Variants in UBR1 observed in about 807,000 individuals in gnomAD.
The protein encoded by UBR1 is E3 ubiquitin-protein ligase UBR1.
A neutral mutation model predicts 242.1 loss-of-function variants in UBR1; 102 were observed. The ratio of observed to expected loss-of-function variants is 0.42; its 90% CI spans 0.36 to 0.50. The LOEUF (loss-of-function observed/expected upper bound fraction) is 0.50, where lower values mean the gene tolerates loss of function less well. Among genes scored for constraint, UBR1 ranks in the 20% least tolerant of loss-of-function variants. The pLI is 0.01. For missense variants in UBR1, 1,772 were observed against 2,101.8 expected (o/e 0.84, Z 3.07); for synonymous variants, 675 against 684.8 (o/e 0.99, Z 0.22).
chr15:42,952,143 AT>A (rs374194564), intron 45 of UBR1, 134 bp downstream of exon 45: 3 of 1,096,946 alleles, frequency 2.7e-6, no homozygotes, highest in African/African-American at 3.1e-5. Context: ...ATGCAATTTC[AT>A]GTCAATAACA....
intron 20 of UBR1, among the ~76,000 whole-genome samples, chr15:43,030,699 G>A (rs770910615): frequency 2.0e-5 from 3 of 152,070 alleles, no homozygotes; most frequent in Non-Finnish European, 4.4e-5. Context: ...GAACTTCACC[G>A]GTGTCAACAG....
intron 32 of UBR1, among the ~76,000 whole-genome samples, chr15:42,998,674 CT>C (rs964050841): frequency 4.3e-4 from 65 of 152,284 alleles, no homozygotes; most frequent in African/African-American, 1.5e-3. Flanking sequence ...TTACTACCCC[CT>C]AATCCAAGTC....
At chr15:42,979,416 G>A (rs1384304112) in intron 37 of UBR1, among the ~76,000 whole-genome samples, 1 of 152,118 alleles carries the variant, frequency 6.6e-6, no homozygotes, top group Non-Finnish European at 1.5e-5. Flanking sequence ...CAGGGGCTTT[G>A]AAGTCAGACT....
intron 32 of UBR1, among the ~76,000 whole-genome samples, chr15:42,999,501 C>T (rs143495330): frequency 2.6e-5 from 4 of 152,190 alleles, no homozygotes; most frequent in East Asian, 1.9e-4. Context: ...CTAAAATGGA[C>T]GTAAGGACAG....
At chr15:43,073,199 T>C (rs1457819557) in intron 4 of UBR1, among the ~76,000 whole-genome samples, 2 of 152,130 alleles carry the variant, frequency 1.3e-5, no homozygotes, top group East Asian at 1.9e-4. Context: ...TTATGCCATA[T>C]CACTTCATTA....
At chr15:43,024,415 T>A (rs1435776108) in intron 25 of UBR1, among the ~76,000 whole-genome samples, 2 of 152,232 alleles carry the variant, frequency 1.3e-5, no homozygotes, top group African/African-American at 2.4e-5. Flanking sequence ...TAATTACACT[T>A]TTATCCATTT....
intron 43 of UBR1, among the ~76,000 whole-genome samples, chr15:42,958,773 C>A (rs2031965413): frequency 1.3e-5 from 2 of 152,242 alleles, no homozygotes; most frequent in Admixed American, 6.5e-5. Context: ...TGGGGAAGAT[C>A]ATCTGAATAA....
chr15:43,073,436 T>A lies in UBR1; in HGVS notation c.528+1543A>T, dbSNP rs143857559. Among the ~76,000 whole-genome samples, 193 of 152,358 alleles carry A rather than the reference T, an allele frequency of 1.3e-3. 2 individuals are homozygous for A. The highest frequency in any genetic ancestry group is 4.1e-3 in the African/African-American group (169 of 41,586). On this transcript the variant is annotated intron_variant, in intron 4 of 46. Coordinates refer to ENST00000290650, the MANE Select transcript of UBR1 (RefSeq NM_174916.3). The stretch of plus-strand genomic sequence containing the variant: ...CAAAATGTTGATTTTTCTAGTTCTA[T>A]CATTCCTTGTCTAATAGCTAGCATT...
chr15:43,045,918 A>G (rs2033480046), intron 14 of UBR1, among the ~76,000 whole-genome samples: 1 of 152,256 alleles, frequency 6.6e-6, no homozygotes, highest in Admixed American at 6.5e-5. Context: ...CAAGATGGTT[A>G]AAGTACTCAA....
At chr15:43,058,689 T>C (rs1294819182) in intron 9 of UBR1, among the ~76,000 whole-genome samples, 1 of 152,238 alleles carries the variant, frequency 6.6e-6, no homozygotes, top group East Asian at 1.9e-4. Context: ...TTCATTCTTT[T>C]TCTATTTCAC....
chr15:42,963,875 G>A (rs2032061887), intron 42 of UBR1, 60 bp downstream of exon 42: 1 of 1,339,166 alleles, frequency 7.5e-7, no homozygotes, highest in Non-Finnish European at 1.1e-6. Context: ...GCAAGTAATT[G>A]TAATTTTAAA....
chr15:43,100,097 G>A (rs753368613), intron 1 of UBR1, among the ~76,000 whole-genome samples: 2 of 152,096 alleles, frequency 1.3e-5, no homozygotes, highest in Middle Eastern at 3.4e-3. Flanking sequence ...GGACGGTCTC[G>A]ATCTCCTGAC....
At chr15:43,095,423 T>C (rs2034147778) in intron 1 of UBR1, among the ~76,000 whole-genome samples, 1 of 152,136 alleles carries the variant, frequency 6.6e-6, no homozygotes, top group South Asian at 2.1e-4. Flanking sequence ...GTGTCATTCC[T>C]GGGCAGCAAG....
Position 43,037,791 on chromosome 15 carries a change from T to C in UBR1, c.2004A>G (p.Gly668=), listed in dbSNP as rs199612804. ...GCTGTACCTGGCTAATAAGAGACAG[T>C]CCATTTCTTCGCCACATCTCAGCAA... The part of the protein sequence containing the change: ...QVVAEMWRRN[G]LSLISQVFYY... Residue 668 remains glycine, a synonymous_variant, in exon 17 of 47, where the codon GGA becomes GGG. Transcript: ENST00000290650. 2.5e-6 allele frequency: 4 copies of C among 1,614,066 alleles called. No homozygotes were observed. The highest frequency in any genetic ancestry group is 2.5e-6 in the Non-Finnish European group (3 of 1,179,988).
intron 30 of UBR1, among the ~76,000 whole-genome samples, chr15:43,005,248 G>A (rs2032796020): frequency 6.6e-6 from 1 of 152,054 alleles, no homozygotes; most frequent in African/African-American, 2.4e-5. Flanking sequence ...GAGGTGGGGG[G>A]GCAGCCTCTG....
At chr15:43,032,193 T>C (rs1001879289) in intron 20 of UBR1, among the ~76,000 whole-genome samples, 4 of 150,502 alleles carry the variant, frequency 2.7e-5, no homozygotes, top group Non-Finnish European at 5.9e-5. Context: ...TGAATTTCTA[T>C]GGGTCAATGT....
At chr15:42,963,851 G>T in intron 42 of UBR1, 84 bp downstream of exon 42, 1 of 1,080,512 alleles carries the variant, frequency 9.3e-7, no homozygotes, top group South Asian at 1.3e-5. Flanking sequence ...AGTGCTGATT[G>T]AACTAAAAGC....
intron 29 of UBR1, among the ~76,000 whole-genome samples, chr15:43,009,199 C>T (rs1383167819): frequency 6.6e-6 from 1 of 152,240 alleles, no homozygotes; most frequent in African/African-American, 2.4e-5. Flanking sequence ...GCTGTGACAC[C>T]CTCTTTGGGG....
intron 37 of UBR1, among the ~76,000 whole-genome samples, chr15:42,982,689 T>C (rs962528431): frequency 1.3e-5 from 2 of 152,236 alleles, no homozygotes; most frequent in Non-Finnish European, 1.5e-5. Context: ...AAAACACTAT[T>C]GGCTTCAATA....
Sources: allele counts gnomAD v4.1 joint callset (sites outside exome capture counted in the v4.1 genomes callset), GRCh38; gene constraint gnomAD v4.1.1; transcripts MANE v1.5; gene names NCBI Gene and HGNC (gene_info 2026-07-23, HGNC 2026-07-21).